The following CNTNAP5 variants were observed in gnomAD, a reference collection of about 807,000 sequenced individuals.
The protein encoded by CNTNAP5 is contactin associated protein family member 5.
CNTNAP5 carries 72 observed loss-of-function variants against 150.2 expected under a neutral mutation model. The ratio of observed to expected loss-of-function variants is 0.48; its 90% CI spans 0.40 to 0.58. CNTNAP5 has a LOEUF of 0.58. CNTNAP5 is among the 20% of genes least tolerant of loss of function. CNTNAP5 has a pLI of 0.00. For synonymous variants in CNTNAP5, 672 were observed against 619.8 expected, an observed-to-expected ratio of 1.08 and a Z score of -1.25; for missense variants, 1,636 against 1,626.2, an observed-to-expected ratio of 1.01 and a Z score of -0.10.
In CNTNAP5 at chr2:124,025,541, G is replaced by T. The variant is rs1366617789; in HGVS notation, c.-110G>T. ...TGAAAGAGCGAGTGCCTCTCCAAGC[G>T]GGGGTGGGAGGGGGTCAGGCTGTGC... On this transcript the variant is annotated 5_prime_UTR_variant, in exon 1 of 24. Transcript: ENST00000682447. 2 of 869,856 alleles carry T rather than the reference G, an allele frequency of 2.3e-6. No individual in the cohort carries two copies. The highest frequency in any genetic ancestry group is 3.8e-6 in the Non-Finnish European group (2 of 523,142). The allele number at this position is 869,856 out of a possible 1,614,324, so 53.9% of individuals were successfully genotyped here.
At chr2:124,187,762 T>C (rs747005515) in intron 1 of CNTNAP5, among the ~76,000 whole-genome samples, 2 of 152,244 alleles carry the variant, frequency 1.3e-5, no homozygotes, top group African/African-American at 4.8e-5. Flanking sequence ...TTTTTAGAGC[T>C]GATTCTGCTT....
chr2:124,491,256 T>C (rs1694017854), intron 7 of CNTNAP5, among the ~76,000 whole-genome samples: 1 of 152,152 alleles, frequency 6.6e-6, no homozygotes, highest in Non-Finnish European at 1.5e-5. Context: ...TGTTCTATTC[T>C]CTGCTCCTGT....
intron 12 of CNTNAP5, among the ~76,000 whole-genome samples, chr2:124,621,284 A>T (rs1187538470): frequency 6.6e-6 from 1 of 152,214 alleles, no homozygotes; most frequent in Non-Finnish European, 1.5e-5. Flanking sequence ...ATCTTGATGG[A>T]TTCAATGCCA....
At chr2:124,724,399 G>T (rs774736089) in intron 13 of CNTNAP5, among the ~76,000 whole-genome samples, 12 of 152,066 alleles carry the variant, frequency 7.9e-5, no homozygotes, top group Non-Finnish European at 1.5e-4. Context: ...GAACCTCCAC[G>T]TATTCAGGTG....
In CNTNAP5 at chr2:124,771,549, G is replaced by C. The variant is rs143120969; in HGVS notation, c.2534-1250G>C. Among the ~76,000 whole-genome samples the C allele has an allele frequency of 1.7e-3, 257 of 152,192 alleles. 2 individuals are homozygous for C. The highest frequency in any genetic ancestry group is 5.5e-3 in the African/African-American group (227 of 41,528). ...ATAATGGTACATTTCTCATAGGGTG[G>C]TTTTGTGTATTAAAATGAGATAATC... On this transcript the variant is annotated intron_variant, in intron 16 of 23. Transcript: ENST00000682447.
chr2:124,752,132 C>T (rs972822513), intron 14 of CNTNAP5, among the ~76,000 whole-genome samples: 3 of 152,114 alleles, frequency 2.0e-5, no homozygotes, highest in Admixed American at 6.6e-5. Flanking sequence ...ATCACATCAC[C>T]GCAGCATGCA....
At chr2:124,115,859 T>C (rs1242289097) in intron 1 of CNTNAP5, among the ~76,000 whole-genome samples, 1 of 150,860 alleles carries the variant, frequency 6.6e-6, no homozygotes. Context: ...TGCAGGCTGG[T>C]CTCAAACTTC....
At chr2:124,655,242 G>C (rs1678417762) in intron 13 of CNTNAP5, among the ~76,000 whole-genome samples, 3 of 152,046 alleles carry the variant, frequency 2.0e-5, no homozygotes, top group Non-Finnish European at 4.4e-5. Context: ...GGAACATGTG[G>C]TGTTTGGTTT....
rs117460959 is a variant in CNTNAP5, at chr2:124,571,815, A to G, written c.1756+8492A>G. On this transcript the variant is annotated intron_variant, in intron 11 of 23. Transcript: ENST00000682447. ...CCAAAGTGCTGGGATTACAGGCCGAATACTCTTTCATCATAATGATTGGTA... is the reference window on the plus strand; with the variant it reads ...CCAAAGTGCTGGGATTACAGGCCGAGTACTCTTTCATCATAATGATTGGTA... Among the ~76,000 whole-genome samples, 188 of 152,052 alleles carry G rather than the reference A, an allele frequency of 1.2e-3. 4 individuals carry two copies. The East Asian group carries it at 0.034, about 28-fold the overall frequency.
rs761304907 is a variant in CNTNAP5, at chr2:124,798,224, A to G, written c.3121A>G (p.Ile1041Val). Residue 1041 changes from isoleucine (I) to valine (V), a missense_variant, in exon 19 of 24, where the codon ATT becomes GTT. Coordinates refer to ENST00000682447, the MANE Select transcript of CNTNAP5 (RefSeq NM_001367498.1). ...YTDSAPSKEN[I>V]ALSFVTTQAP... ...AGATTCAGCTCCATCCAAGGAAAAC[A>G]TTGCACTTAGCTTTGTGACAACCCA... 26 of 1,613,926 alleles carry G rather than the reference A, an allele frequency of 1.6e-5. No individual in the cohort carries two copies. The South Asian group carries it at 2.5e-4, about 16-fold the overall frequency.
chr2:124,241,859 T>C (rs1686895618), intron 2 of CNTNAP5, among the ~76,000 whole-genome samples: 1 of 152,130 alleles, frequency 6.6e-6, no homozygotes, highest in Admixed American at 6.5e-5. Flanking sequence ...GCCTAGTTCA[T>C]ATATATCTGC....
At chr2:124,423,440 T>C (rs1338161327) in intron 4 of CNTNAP5, among the ~76,000 whole-genome samples, 1 of 152,074 alleles carries the variant, frequency 6.6e-6, no homozygotes, top group African/African-American at 2.4e-5. Flanking sequence ...CCATCTGGAG[T>C]CTAGGCTACC....
rs564018901 is a variant in CNTNAP5 at position 124,688,466 on chromosome 2, C to T, written c.2077+40508C>T. On this transcript the variant is annotated intron_variant, in intron 13 of 23. Transcript: ENST00000682447. The stretch of plus-strand genomic sequence containing the variant: ...AAATTCAGGGAAAACATCAGTTAGT[C>T]TGGATGACTATTTTAGAAAAAGGAA... Among the ~76,000 whole-genome samples the T allele has an allele frequency of 5.9e-5, 9 of 152,106 alleles. No individual in the cohort carries two copies. In the South Asian group the frequency reaches 1.9e-3, roughly 32 times the overall value.
chr2:124,137,582 A>T (rs901958383), intron 1 of CNTNAP5, among the ~76,000 whole-genome samples: 3 of 152,234 alleles, frequency 2.0e-5, no homozygotes, highest in African/African-American at 4.8e-5. Flanking sequence ...CACAAAAAAA[A>T]TTCTACTTTG....
At chr2:124,716,332 A>G (rs1174873883) in intron 13 of CNTNAP5, among the ~76,000 whole-genome samples, 1 of 152,154 alleles carries the variant, frequency 6.6e-6, no homozygotes. Flanking sequence ...AAAAATTGCC[A>G]TCAACATATA....
At chr2:124,782,725 G>T (rs1368963759) in intron 17 of CNTNAP5, among the ~76,000 whole-genome samples, 3 of 152,146 alleles carry the variant, frequency 2.0e-5, no homozygotes, top group African/African-American at 7.2e-5. Context: ...GCTGGTGGGA[G>T]TATAAATCGA....
chr2:124,640,986 C>T (rs776793713), intron 12 of CNTNAP5, among the ~76,000 whole-genome samples: 42 of 151,798 alleles, frequency 2.8e-4, no homozygotes, highest in Non-Finnish European at 2.5e-4. Context: ...ATTAGCTGGG[C>T]GTGGTGGCGC....
At chr2:124,479,076 G>A (rs751120147) in intron 7 of CNTNAP5, among the ~76,000 whole-genome samples, 2 of 152,034 alleles carry the variant, frequency 1.3e-5, no homozygotes, top group African/African-American at 4.8e-5. Flanking sequence ...TCCACATCCC[G>A]AAATGCAGTA....
chr2:124,146,598 T>C (rs953081699), intron 1 of CNTNAP5, among the ~76,000 whole-genome samples: 10 of 152,146 alleles, frequency 6.6e-5, no homozygotes, highest in African/African-American at 2.4e-4. Flanking sequence ...GGGGATCTTA[T>C]GAAGCTGTTA....
Sources: gnomAD v4.1 joint callset for allele counts (sites outside exome capture counted in the v4.1 genomes callset) on GRCh38, gnomAD v4.1.1 for gene constraint, MANE v1.5 for transcripts, NCBI Gene and HGNC (gene_info 2026-07-23, HGNC 2026-07-21) for gene names.